The following RNF111 variants were observed in gnomAD, a reference collection of about 807,000 sequenced individuals.
RNF111 encodes the protein E3 ubiquitin-protein ligase Arkadia.
In RNF111, 17 loss-of-function variants were observed where a neutral mutation model predicts 95.1. The observed-to-expected ratio is 0.18, with a 90% CI of 0.12 to 0.27. The LOEUF (loss-of-function observed/expected upper bound fraction) is 0.27. Among genes scored for constraint, RNF111 ranks in the 10% least tolerant of loss-of-function variants. The pLI is 1.00. For synonymous variants in RNF111, 440 were observed against 414.8 expected, an observed-to-expected ratio of 1.06 and a Z score of -0.74; for missense variants, 1,189 against 1,210.4, an observed-to-expected ratio of 0.98 and a Z score of 0.26.
chr15:58,994,701 C>T (rs557968890), intron 1 of RNF111, among the ~76,000 whole-genome samples: 1 of 152,096 alleles, frequency 6.6e-6, no homozygotes, highest in Non-Finnish European at 1.5e-5. Flanking sequence ...TGGTCTCAAA[C>T]CCATGACTTT....
intron 1 of RNF111, among the ~76,000 whole-genome samples, chr15:59,017,628 A>G (rs2040129383): frequency 6.6e-6 from 1 of 152,246 alleles, no homozygotes; most frequent in Non-Finnish European, 1.5e-5. Flanking sequence ...TTAAAATAAC[A>G]GAAATCTCTA....
chr15:59,053,555 A>C (rs2042081162), intron 3 of RNF111, among the ~76,000 whole-genome samples: 2 of 152,232 alleles, frequency 1.3e-5, no homozygotes, highest in Non-Finnish European at 2.9e-5. Flanking sequence ...TGCTACTTCT[A>C]AAGGCATGGA....
chr15:59,022,191 T>C (rs915121363), intron 1 of RNF111, among the ~76,000 whole-genome samples: 5 of 152,212 alleles, frequency 3.3e-5, no homozygotes, highest in Admixed American at 2.0e-4. Flanking sequence ...GGAAATATTT[T>C]ATAAGACTAA....
intron 5 of RNF111, among the ~76,000 whole-genome samples, chr15:59,064,619 G>C (rs1264490931): frequency 1.3e-5 from 2 of 151,514 alleles, no homozygotes; most frequent in African/African-American, 4.9e-5. Flanking sequence ...TCTAGGGGCA[G>C]TTAGAGGTTA....
intron 1 of RNF111, among the ~76,000 whole-genome samples, chr15:59,029,040 A>G (rs1288621153): frequency 1.3e-5 from 2 of 152,124 alleles, no homozygotes; most frequent in African/African-American, 4.8e-5. Context: ...TTGGCCTCCC[A>G]AAGTGGTGGG....
intron 1 of RNF111, among the ~76,000 whole-genome samples, chr15:58,998,382 T>G (rs1273968569): frequency 6.6e-6 from 1 of 152,148 alleles, no homozygotes; most frequent in Non-Finnish European, 1.5e-5. Flanking sequence ...TTATTTTTCC[T>G]TATCCTCTCC....
chr15:58,997,072 AGT>A (rs1450775746), intron 1 of RNF111, among the ~76,000 whole-genome samples: 4 of 152,048 alleles, frequency 2.6e-5, no homozygotes, highest in African/African-American at 9.7e-5. Context: ...TGTCAGTTTA[AGT>A]GTCTTTTTTT....
chr15:59,053,591 GTTTGT>G (rs1392552038), intron 3 of RNF111, among the ~76,000 whole-genome samples: 1 of 152,114 alleles, frequency 6.6e-6, no homozygotes, highest in African/African-American at 2.4e-5. Flanking sequence ...ACATATACTT[GTTTGT>G]TTTAATTTTA....
rs1208840123 is a variant in RNF111, at chr15:59,095,060, G to A, written c.*160G>A. On this transcript the variant is annotated 3_prime_UTR_variant, in exon 14 of 14. Coordinates refer to ENST00000348370, the MANE Select transcript of RNF111 (RefSeq NM_017610.8). ...AACTAATGCTAGACCTACAGTTTAT[G>A]TATACAGTTGATTTTGATGTATTTA... is the stretch of plus-strand genomic sequence containing the variant. 1.6e-6 allele frequency: 1 copy of A among 631,084 alleles called. No individual in the cohort carries two copies. Among genetic ancestry groups the A allele is most frequent in the South Asian group, 1.8e-5 (1 of 56,442 alleles). The allele number at this position is 631,084 out of a possible 1,614,324, so 39.1% of individuals were successfully genotyped here. A position where few individuals can be genotyped will look rare whatever the true frequency, so the allele number is the denominator to read the frequency against.
At chr15:59,084,634 C>CT (rs1161833102) in intron 9 of RNF111, among the ~76,000 whole-genome samples, 1 of 152,054 alleles carries the variant, frequency 6.6e-6, no homozygotes, top group Non-Finnish European at 1.5e-5. Context: ...TATTTAAAAT[C>CT]TTTTGTCGCA....
At chr15:59,024,198 C>T (rs2040488070) in intron 1 of RNF111, among the ~76,000 whole-genome samples, 1 of 152,128 alleles carries the variant, frequency 6.6e-6, no homozygotes, top group South Asian at 2.1e-4. Context: ...TCTCATTCTG[C>T]ATATTTTCTT....
intron 2 of RNF111, among the ~76,000 whole-genome samples, chr15:59,039,117 A>T (rs370186995): frequency 6.6e-6 from 1 of 152,024 alleles, no homozygotes; most frequent in Non-Finnish European, 1.5e-5. Context: ...GGCACGTGCC[A>T]CCATACCTGG....
intron 6 of RNF111, among the ~76,000 whole-genome samples, chr15:59,070,114 ATCC>A (rs1289405115): frequency 7.2e-6 from 1 of 139,570 alleles, no homozygotes; most frequent in Non-Finnish European, 1.5e-5. Flanking sequence ...GGCTTAAGTA[ATCC>A]TCCTGCCCCA....
At chr15:59,060,182 A>G (rs2042372956) in intron 5 of RNF111, among the ~76,000 whole-genome samples, 1 of 152,184 alleles carries the variant, frequency 6.6e-6, no homozygotes, top group Non-Finnish European at 1.5e-5. Flanking sequence ...GGTGTCTTTT[A>G]AAAACATTCT....
intron 1 of RNF111, among the ~76,000 whole-genome samples, chr15:59,014,975 C>T (rs2039999396): frequency 6.6e-6 from 1 of 152,118 alleles, no homozygotes; most frequent in Non-Finnish European, 1.5e-5. Flanking sequence ...TGGTCTTGTC[C>T]TGGCCTCAGG....
chr15:59,070,029 CTT>C (rs1189748185), intron 6 of RNF111, among the ~76,000 whole-genome samples: 4 of 22,684 alleles, frequency 1.8e-4, no homozygotes, highest in African/African-American at 4.7e-4. Flanking sequence ...CCACCTCCTG[CTT>C]TTTTTTTTTT....
In RNF111 at chr15:59,064,548, A is replaced by G. The variant is rs566734653; in HGVS notation, c.1367-2216A>G. 6.6e-5 allele frequency among the ~76,000 whole-genome samples: 10 copies of G among 151,820 alleles called. No homozygotes were observed. The South Asian group carries it at 1.9e-3, about 28-fold the overall frequency. On this transcript the variant is annotated intron_variant, in intron 5 of 13. Transcript: ENST00000348370. ...AAGACTTTGTCGCAAAAAAAAAAAA[A>G]AAAAAGGAAATAATTTGTCGACTTT...
chr15:59,054,013 G>A (rs967763856), intron 3 of RNF111, among the ~76,000 whole-genome samples: 7 of 152,076 alleles, frequency 4.6e-5, no homozygotes, highest in Admixed American at 6.5e-5. Context: ...TTGGCTCACC[G>A]CAGCCTCCAT....
chr15:59,031,440 G>C lies in RNF111; in HGVS notation c.618G>C (p.Ser206=), dbSNP rs1456753351. ...AAAGACCCTGTTTACATGGCAGTTCGTTACGGAGACTTCCATGCAGAAAGA... is the reference window on the plus strand; with the variant it reads ...AAAGACCCTGTTTACATGGCAGTTCCTTACGGAGACTTCCATGCAGAAAGA... ...LMKRPCLHGS[S]LRRLPCRKRF... The change falls in exon 2 of 14, where the codon TCG becomes TCC. Residue 206 remains serine (S), a synonymous_variant. Transcript: ENST00000348370. The C allele has an allele frequency of 6.2e-7, 1 of 1,614,214 alleles. No individual in the cohort carries two copies. The highest frequency in any genetic ancestry group is 8.5e-7 in the Non-Finnish European group (1 of 1,180,044).
Sources: gnomAD v4.1 joint callset for allele counts (sites outside exome capture counted in the v4.1 genomes callset) on GRCh38, gnomAD v4.1.1 for gene constraint, MANE v1.5 for transcripts, NCBI Gene and HGNC (gene_info 2026-07-23, HGNC 2026-07-21) for gene names.